The following ZNF100 variants were observed in gnomAD, a reference collection of about 807,000 sequenced individuals.
ZNF100 encodes zinc finger protein 100 (Y1).
A neutral mutation model predicts 15.8 loss-of-function variants in ZNF100; 12 were observed. The observed-to-expected ratio is 0.76, with a 90% CI of 0.49 to 1.23. The LOEUF (loss-of-function observed/expected upper bound fraction) is 1.23, where lower values mean the gene tolerates loss of function less well. Among genes scored for constraint, ZNF100 ranks in the 50% most tolerant of loss-of-function variants. The probability of loss-of-function intolerance (pLI) is 0.00; values close to 1 mark genes in which losing one functional copy is unlikely to be tolerated. For missense variants in ZNF100, 670 were observed against 635.6 expected (o/e 1.05, Z -0.58); for synonymous variants, 226 against 214.8 (o/e 1.05, Z -0.45).
At chr19:21,731,785 T>G (rs1445759514) in intron 4 of ZNF100, among the ~76,000 whole-genome samples, 1 of 152,132 alleles carries the variant, frequency 6.6e-6, no homozygotes. Flanking sequence ...ATGAGACACA[T>G]GAAGCAGTCA....
intron 1 of ZNF100, among the ~76,000 whole-genome samples, chr19:21,766,839 A>G (rs1293878828): frequency 2.0e-5 from 3 of 151,990 alleles, no homozygotes; most frequent in Admixed American, 1.3e-4. Flanking sequence ...TAAAAATACA[A>G]AAAAATAAGG....
At position 21,729,270 on chromosome 19, in the gene ZNF100, A is replaced by T. The variant is rs1162661834; in HGVS notation, c.323-1281T>A. ...ATACTATCAGCAAATCTGTCCTGCCAAATAAAAAGAAAATAACTTTCAAAA... is the reference window on the plus strand; with the variant it reads ...ATACTATCAGCAAATCTGTCCTGCCTAATAAAAAGAAAATAACTTTCAAAA... On this transcript the variant is annotated intron_variant, in intron 4 of 4. Transcript: ENST00000358296. Among the ~76,000 whole-genome samples the T allele has an allele frequency of 5.3e-5, 8 of 152,268 alleles. No individual in the cohort carries two copies. The East Asian group carries it at 1.5e-3, about 29-fold the overall frequency.
At chr19:21,760,809 T>G (rs2036471824) in intron 2 of ZNF100, among the ~76,000 whole-genome samples, 1 of 139,780 alleles carries the variant, frequency 7.2e-6, no homozygotes, top group Non-Finnish European at 1.5e-5. Flanking sequence ...CAGGCTGGAG[T>G]GCAGTGGTGC....
chr19:21,733,133 G>A (rs2035946986), intron 4 of ZNF100, among the ~76,000 whole-genome samples: 1 of 152,106 alleles, frequency 6.6e-6, no homozygotes. Flanking sequence ...TCAAAAAAAT[G>A]TATAAATATA....
Position 21,744,924 on chromosome 19 carries a change from A to G in ZNF100, c.223+17T>C. On this transcript the variant is annotated intron_variant, in intron 3 of 4. Coordinates refer to ENST00000358296, the MANE Select transcript of ZNF100 (RefSeq NM_173531.4). The stretch of plus-strand genomic sequence containing the variant: ...CTTTACGGTATATTAGAAATTGTGT[A>G]TTAAAGTTATTCTCACCCAAGAAGA... 1 of 1,597,724 alleles carries G rather than the reference A, an allele frequency of 6.3e-7. No individual in the cohort carries two copies. Among genetic ancestry groups the G allele is most frequent in the Non-Finnish European group, 8.5e-7 (1 of 1,176,318 alleles).
In ZNF100 at chr19:21,727,977, T is replaced by C. The variant is rs375616395; in HGVS notation, c.335A>G (p.His112Arg). The C allele has an allele frequency of 2.6e-6, 4 of 1,523,910 alleles. No individual in the cohort carries two copies. Among genetic ancestry groups the C allele is most frequent in the Non-Finnish European group, 3.5e-6 (4 of 1,142,428 alleles). The allele number at this position is 1,523,910 out of a possible 1,614,324, so 94.4% of individuals were successfully genotyped here. A position where few individuals can be genotyped will look rare whatever the true frequency, so the allele number is the denominator to read the frequency against. The change falls in exon 5 of 5, where the codon CAT (histidine) becomes CGT (arginine). Residue 112 changes from histidine to arginine, a missense_variant. Transcript: ENST00000358296. ...CTCTGCCCAAAGGTCTTGGGGAAAATGAGAACATATAACTGAAAGAAATAA... is the reference window on the plus strand; with the variant it reads ...CTCTGCCCAAAGGTCTTGGGGAAAACGAGAACATATAACTGAAAGAAATAA... ...MVAKPPVICS[H>R]FPQDLWAEQD...
At chr19:21,751,500 T>A in intron 2 of ZNF100, 1 of 1,045,778 alleles carries the variant, frequency 9.6e-7, no homozygotes. Context: ...GAAAGGCTTT[T>A]AACTTATGCT....
intron 3 of ZNF100, among the ~76,000 whole-genome samples, chr19:21,744,459 A>G (rs1282678357): frequency 6.6e-6 from 1 of 151,902 alleles, no homozygotes; most frequent in Non-Finnish European, 1.5e-5. Context: ...TACAACCTCC[A>G]CCTCCTGGGT....
chr19:21,750,683 G>A (rs1033143302), intron 2 of ZNF100: 3 of 243,344 alleles, frequency 1.2e-5, no homozygotes, highest in Non-Finnish European at 1.6e-5. Context: ...AGCCCTGCCC[G>A]GGGCGGGTCG....
chr19:21,738,746 C>T (rs1382734366), intron 4 of ZNF100, among the ~76,000 whole-genome samples: 3 of 152,026 alleles, frequency 2.0e-5, no homozygotes, highest in Admixed American at 2.0e-4. Flanking sequence ...GAGTTCGAAA[C>T]CAGCCTGACC....
rs1327308540 is a variant in ZNF100 at position 21,765,956 on chromosome 19, G to C, written c.4-170C>G. Among the ~76,000 whole-genome samples, 6 of 151,994 alleles carry C rather than the reference G, an allele frequency of 3.9e-5. No individual in the cohort carries two copies. The East Asian group carries it at 1.2e-3, about 29-fold the overall frequency. On this transcript the variant is annotated intron_variant, in intron 1 of 4. Transcript: ENST00000358296. ...ATAGATTTTTCCAAATCAAAACCTT[G>C]ACCCAAAAACATTCTGATAAATCTC... is the stretch of plus-strand genomic sequence containing the variant.
chr19:21,763,660 A>G (rs1368210361), intron 2 of ZNF100, among the ~76,000 whole-genome samples: 1 of 152,118 alleles, frequency 6.6e-6, no homozygotes, highest in Non-Finnish European at 1.5e-5. Context: ...CTGAACTTTG[A>G]GCTACCCTCA....
chr19:21,765,612 T>A (rs961891401), intron 2 of ZNF100, 82 bp downstream of exon 2: 4 of 1,284,092 alleles, frequency 3.1e-6, no homozygotes, highest in East Asian at 4.6e-5. Context: ...AATACCAGCA[T>A]CTGATTGGCT....
chr19:21,763,936 T>C (rs943951512), intron 2 of ZNF100, among the ~76,000 whole-genome samples: 10 of 152,180 alleles, frequency 6.6e-5, no homozygotes, highest in African/African-American at 1.9e-4. Context: ...TTGAACTTGG[T>C]TATACATTAC....
Position 21,727,030 on chromosome 19 carries a change from GT to G in ZNF100, c.1281del (p.Lys427AsnfsTer23). 6.2e-7 allele frequency: 1 copy of G among 1,613,852 alleles called. No homozygotes were observed. The highest frequency in any genetic ancestry group is 8.5e-7 in the Non-Finnish European group (1 of 1,179,914). On this transcript the variant is annotated frameshift_variant, in exon 5 of 5. Transcript: ENST00000358296. LOFTEE classifies it low-confidence loss of function (END_TRUNC). ...TKHKRIHTGE[K>X]PYKCEECGKA... ...TTGCCACATTCTTCACATTTGTAGG[GT>G]TTCTCTCCAGTATGAATTCTCTTAT...
At chr19:21,767,401 C>A in intron 1 of ZNF100, 26 bp downstream of exon 1, 1 of 1,608,850 alleles carries the variant, frequency 6.2e-7, no homozygotes. Flanking sequence ...CGCCGTCTCT[C>A]GGGATGTCGG....
chr19:21,735,949 C>T (rs112711391), intron 4 of ZNF100, among the ~76,000 whole-genome samples: 7,911 of 152,080 alleles, frequency 0.052, 224 homozygotes, highest in African/African-American at 0.08. Flanking sequence ...CCACCACATT[C>T]GGCTAGTATT....
At chr19:21,765,350 C>T (rs375861574) in intron 2 of ZNF100, among the ~76,000 whole-genome samples, 50 of 152,270 alleles carry the variant, frequency 3.3e-4, no homozygotes, top group African/African-American at 1.2e-3. Flanking sequence ...CTCCTGCTCA[C>T]TTATGTGCTC....
chr19:21,764,152 C>G (rs530919588), intron 2 of ZNF100, among the ~76,000 whole-genome samples: 2 of 152,146 alleles, frequency 1.3e-5, no homozygotes, highest in Admixed American at 1.3e-4. Flanking sequence ...AAAAAACTAA[C>G]AAGGCCGTTA....
Sources: allele counts gnomAD v4.1 joint callset (sites outside exome capture counted in the v4.1 genomes callset), GRCh38; gene constraint gnomAD v4.1.1; transcripts MANE v1.5; gene names NCBI Gene and HGNC (gene_info 2026-07-23, HGNC 2026-07-21).